CCDC148: variants seen among roughly 807,000 people sequenced by gnomAD.
CCDC148 encodes the protein coiled-coil domain containing 148.
A neutral mutation model predicts 85.7 loss-of-function variants in CCDC148; 89 were observed. The ratio of observed to expected loss-of-function variants is 1.04; its 90% confidence interval spans 0.87 to 1.24. The LOEUF (loss-of-function observed/expected upper bound fraction) is 1.24. Among genes scored for constraint, CCDC148 ranks in the 50% most tolerant of loss-of-function variants. The pLI, the probability that CCDC148 is intolerant of heterozygous loss-of-function variation, is 0.00. For missense variants in CCDC148, 692 were observed against 671.7 expected, an observed-to-expected ratio of 1.03 and a Z score of -0.33; for synonymous variants, 230 against 213.9, an observed-to-expected ratio of 1.08 and a Z score of -0.66.
At chr2:158,196,197 T>A (rs1685660251) in intron 11 of CCDC148, among the ~76,000 whole-genome samples, 1 of 152,160 alleles carries the variant, frequency 6.6e-6, no homozygotes, top group Non-Finnish European at 1.5e-5. Flanking sequence ...AGGTAACAAA[T>A]ACTAAAAACT....
At chr2:158,421,748 C>T (rs10171595) in intron 1 of CCDC148, among the ~76,000 whole-genome samples, 7,305 of 152,042 alleles carry the variant, frequency 0.048, 296 homozygotes, top group African/African-American at 0.11. Context: ...CAGAGCAGAA[C>T]GTAAGGAGAT....
chr2:158,263,780 A>G (rs1003821964), intron 9 of CCDC148, among the ~76,000 whole-genome samples: 5 of 152,090 alleles, frequency 3.3e-5, no homozygotes, highest in African/African-American at 1.2e-4. Context: ...AATTAATGCA[A>G]GTTAAATGGA....
intron 11 of CCDC148, among the ~76,000 whole-genome samples, chr2:158,216,589 A>G (rs541388455): frequency 6.6e-6 from 1 of 151,946 alleles, no homozygotes; most frequent in South Asian, 2.1e-4. Context: ...TTAATAATAT[A>G]ATACCATTGT....
intron 11 of CCDC148, among the ~76,000 whole-genome samples, chr2:158,199,331 G>A (rs185081052): frequency 1.3e-5 from 2 of 151,942 alleles, no homozygotes; most frequent in South Asian, 2.1e-4. Flanking sequence ...TGCAACCTCC[G>A]CCTCCCAGGT....
chr2:158,386,315 C>A (rs1685085238), intron 1 of CCDC148, among the ~76,000 whole-genome samples: 1 of 151,874 alleles, frequency 6.6e-6, no homozygotes. Context: ...CTGGTTTCAC[C>A]CTTTTTACCA....
chr2:158,350,556 T>C lies in CCDC148; in HGVS notation c.148-5238A>G, dbSNP rs1338622998. 6.6e-5 allele frequency among the ~76,000 whole-genome samples: 10 copies of C among 152,308 alleles called. No individual in the cohort carries two copies. In the South Asian group the frequency reaches 1.9e-3, roughly 28 times the overall value. ...ACTTTTGGTCCAGATGTCCCAATCA[T>C]GGGAATTTTTCCTATGAGAGTAGAG... is the stretch of plus-strand genomic sequence containing the variant. On this transcript the variant is annotated intron_variant, in intron 2 of 13. Coordinates refer to ENST00000283233, the MANE Select transcript of CCDC148 (RefSeq NM_138803.4).
At chr2:158,380,209 G>A (rs1684815239) in intron 1 of CCDC148, among the ~76,000 whole-genome samples, 1 of 152,028 alleles carries the variant, frequency 6.6e-6, no homozygotes, top group African/African-American at 2.4e-5. Flanking sequence ...TTATCTATTT[G>A]GAGAAAAACT....
intron 9 of CCDC148, among the ~76,000 whole-genome samples, chr2:158,269,563 T>A (rs185179341): frequency 1.3e-5 from 2 of 152,218 alleles, no homozygotes; most frequent in Admixed American, 6.6e-5. Context: ...TGGTCAACCC[T>A]TGACCACTGG....
intron 9 of CCDC148, among the ~76,000 whole-genome samples, chr2:158,281,408 G>C (rs1400547496): frequency 6.6e-6 from 1 of 151,896 alleles, no homozygotes; most frequent in Non-Finnish European, 1.5e-5. Context: ...AAAGAGAGAA[G>C]AATCAAATAG....
intron 11 of CCDC148, among the ~76,000 whole-genome samples, 153 bp downstream of exon 11, chr2:158,220,442 T>A (rs1056047547): frequency 6.6e-6 from 1 of 152,212 alleles, no homozygotes; most frequent in Non-Finnish European, 1.5e-5. Context: ...TTAAAATGCA[T>A]CATAGATATC....
chr2:158,216,303 T>C (rs188151085), intron 11 of CCDC148, among the ~76,000 whole-genome samples: 53 of 151,598 alleles, frequency 3.5e-4, no homozygotes, highest in African/African-American at 1.2e-3. Context: ...TTATTTAAAA[T>C]ATTTTTAAAA....
intron 1 of CCDC148, among the ~76,000 whole-genome samples, chr2:158,415,093 T>G: frequency 6.6e-6 from 1 of 151,850 alleles, no homozygotes; most frequent in Non-Finnish European, 1.5e-5. Flanking sequence ...ATTTGTCCAT[T>G]CTCACATTGC....
chr2:158,285,548 T>C (rs79266367), intron 9 of CCDC148, among the ~76,000 whole-genome samples: 1 of 150,194 alleles, frequency 6.7e-6, no homozygotes, highest in South Asian at 2.1e-4. Flanking sequence ...TTTTTTTTTT[T>C]GAGACGGAGT....
chr2:158,243,316 C>A (rs1382090776), intron 10 of CCDC148, among the ~76,000 whole-genome samples: 1 of 152,016 alleles, frequency 6.6e-6, no homozygotes, highest in Non-Finnish European at 1.5e-5. Context: ...GCATTTGAGT[C>A]GTTTTATCAG....
chr2:158,221,568 G>T (rs1046177830), intron 10 of CCDC148, among the ~76,000 whole-genome samples: 7 of 152,184 alleles, frequency 4.6e-5, no homozygotes, highest in Non-Finnish European at 1.0e-4. Context: ...GCAGCAGGGG[G>T]TCTGTTGTAG....
chr2:158,378,133 G>C (rs1370628551), intron 1 of CCDC148, among the ~76,000 whole-genome samples: 1 of 152,046 alleles, frequency 6.6e-6, no homozygotes, highest in African/African-American at 2.4e-5. Context: ...GAATGCAAAG[G>C]AAAAGTTCTT....
chr2:158,181,203 A>G (rs368596632), intron 11 of CCDC148, among the ~76,000 whole-genome samples: 4 of 152,190 alleles, frequency 2.6e-5, no homozygotes, highest in Admixed American at 6.6e-5. Context: ...TGTCTGCAAC[A>G]AAGTTTTTGT....
At chr2:158,389,729 T>C (rs1395616653) in intron 1 of CCDC148, among the ~76,000 whole-genome samples, 4 of 152,226 alleles carry the variant, frequency 2.6e-5, no homozygotes, top group African/African-American at 4.8e-5. Context: ...ATTCAAAATG[T>C]ATTTCCAAGA....
intron 7 of CCDC148, among the ~76,000 whole-genome samples, chr2:158,326,811 C>T (rs1200760156): frequency 6.6e-6 from 1 of 152,080 alleles, no homozygotes; most frequent in Non-Finnish European, 1.5e-5. Flanking sequence ...TCTGGCTCCC[C>T]TCCCTCAAGA....
Sources: allele counts gnomAD v4.1 joint callset (sites outside exome capture counted in the v4.1 genomes callset), GRCh38; gene constraint gnomAD v4.1.1; transcripts MANE v1.5; gene names NCBI Gene and HGNC (gene_info 2026-07-23, HGNC 2026-07-21).